ZBTB20: variants seen among roughly 807,000 people sequenced by gnomAD.
ZBTB20 encodes zinc finger and BTB domain containing 20.
A neutral mutation model predicts 56.9 loss-of-function variants in ZBTB20; 9 were observed. The observed-to-expected ratio is 0.16, with a 90% CI of 0.10 to 0.28. ZBTB20 has a LOEUF of 0.28. Among genes scored for constraint, ZBTB20 ranks in the 10% least tolerant of loss-of-function variants. ZBTB20 has a pLI of 1.00. For synonymous variants in ZBTB20, 417 were observed against 420.7 expected (o/e 0.99, Z 0.11); for missense variants, 655 against 1,003.0 (o/e 0.65, Z 4.69).
intron 2 of ZBTB20, among the ~76,000 whole-genome samples, chr3:115,066,052 T>A (rs531376857): frequency 6.6e-6 from 1 of 152,202 alleles, no homozygotes; most frequent in African/African-American, 2.4e-5. Flanking sequence ...TAATCAATAC[T>A]CTCCCATGAA....
chr3:115,127,133 A>G (rs751468770), intron 1 of ZBTB20, among the ~76,000 whole-genome samples: 1 of 152,218 alleles, frequency 6.6e-6, no homozygotes, highest in African/African-American at 2.4e-5. Flanking sequence ...CCAGTCCAAA[A>G]AAATCTATGT....
At chr3:114,613,579 AG>A (rs1388243112) in intron 6 of ZBTB20, among the ~76,000 whole-genome samples, 1 of 152,192 alleles carries the variant, frequency 6.6e-6, no homozygotes, top group Non-Finnish European at 1.5e-5. Context: ...GGCCCACCAA[AG>A]AAGTGATCAT....
At chr3:114,590,611 T>C (rs1008073239) in intron 6 of ZBTB20, among the ~76,000 whole-genome samples, 4 of 152,062 alleles carry the variant, frequency 2.6e-5, no homozygotes, top group Admixed American at 2.6e-4. Context: ...TGAGTTATTA[T>C]AGGAAATGAT....
At chr3:115,050,961 C>G (rs1303922160) in intron 2 of ZBTB20, among the ~76,000 whole-genome samples, 1 of 152,028 alleles carries the variant, frequency 6.6e-6, no homozygotes, top group Non-Finnish European at 1.5e-5. Flanking sequence ...AAATAATGAT[C>G]TATCATTTTT....
At chr3:114,607,136 GC>G (rs2057227722) in intron 6 of ZBTB20, among the ~76,000 whole-genome samples, 1 of 151,752 alleles carries the variant, frequency 6.6e-6, no homozygotes, top group Non-Finnish European at 1.5e-5. Flanking sequence ...AAATTCTTTT[GC>G]CCCAACATTT....
At chr3:114,666,079 G>T (rs1009988923) in intron 6 of ZBTB20, among the ~76,000 whole-genome samples, 2 of 151,880 alleles carry the variant, frequency 1.3e-5, no homozygotes, top group Admixed American at 1.3e-4. Context: ...TTCGCTGGGG[G>T]TTATCTATCA....
chr3:114,651,907 G>A (rs532541958), intron 6 of ZBTB20, among the ~76,000 whole-genome samples: 10 of 152,120 alleles, frequency 6.6e-5, no homozygotes, highest in Admixed American at 3.3e-4. Context: ...ATAGGCAGAA[G>A]AGAAAAGTTT....
At chr3:114,886,716 G>A (rs2076615054) in intron 4 of ZBTB20, among the ~76,000 whole-genome samples, 1 of 152,118 alleles carries the variant, frequency 6.6e-6, no homozygotes, top group African/African-American at 2.4e-5. Flanking sequence ...TCTATAATGA[G>A]AAGTTTCAGT....
intron 7 of ZBTB20, among the ~76,000 whole-genome samples, chr3:114,486,133 TGTGTGGGGGG>T (rs2042102300): frequency 9.2e-5 from 1 of 10,926 alleles, no homozygotes; most frequent in Non-Finnish European, 2.2e-4. Flanking sequence ...TGTGTGTGTG[TGTGTGGGGGG>T]GGGGGGCGGT....
chr3:114,903,646 C>T (rs1002103276), intron 3 of ZBTB20, among the ~76,000 whole-genome samples: 1 of 152,062 alleles, frequency 6.6e-6, no homozygotes, highest in African/African-American at 2.4e-5. Flanking sequence ...ATAATACGTG[C>T]AGCAACACTG....
At chr3:115,049,671 T>C (rs2081468431) in intron 2 of ZBTB20, among the ~76,000 whole-genome samples, 2 of 152,120 alleles carry the variant, frequency 1.3e-5, no homozygotes. Flanking sequence ...ATTTTCAGAT[T>C]ATGGATGTTC....
intron 7 of ZBTB20, among the ~76,000 whole-genome samples, chr3:114,494,701 C>A (rs1165565427): frequency 6.6e-6 from 1 of 152,164 alleles, no homozygotes; most frequent in Admixed American, 6.5e-5. Flanking sequence ...TGCTCATATG[C>A]AGATCCACAT....
intron 6 of ZBTB20, among the ~76,000 whole-genome samples, chr3:114,604,897 G>A (rs2057027407): frequency 6.6e-6 from 1 of 152,124 alleles, no homozygotes; most frequent in South Asian, 2.1e-4. Context: ...CATGTGTTGA[G>A]TGGAGAAGAC....
intron 10 of ZBTB20, chr3:114,367,063 T>C (rs916433502): frequency 9.2e-5 from 14 of 152,254 alleles, no homozygotes; most frequent in Admixed American, 3.3e-4. Flanking sequence ...CTCTCTGATA[T>C]GGTAGCACAG....
intron 1 of ZBTB20, among the ~76,000 whole-genome samples, chr3:115,130,593 G>T (rs774041235): frequency 5.9e-5 from 9 of 152,144 alleles, no homozygotes; most frequent in Non-Finnish European, 8.8e-5. Flanking sequence ...AAGAACATCT[G>T]AAGATTTAAG....
intron 5 of ZBTB20, among the ~76,000 whole-genome samples, chr3:114,789,531 C>T (rs2070787873): frequency 2.0e-5 from 3 of 152,020 alleles, no homozygotes; most frequent in Non-Finnish European, 2.9e-5. Flanking sequence ...ACCTCTGAGA[C>T]AAAATGATCC....
In ZBTB20 at chr3:114,943,910, C is replaced by CAA. The variant is rs367766907; in HGVS notation, c.-456+30454_-456+30455dup. ...AGGATAAACACAAAGAAACCAACTA[C>CAA]AAAAAAAAAAAAAAAGCCTGTTTGT... On this transcript the variant is annotated intron_variant, in intron 3 of 11. Coordinates refer to ENST00000675478, the MANE Select transcript of ZBTB20 (RefSeq NM_001348800.3). 7.5e-3 allele frequency among the ~76,000 whole-genome samples: 441 copies of CAA among 59,082 alleles called. 30 individuals carry two copies. The highest frequency in any genetic ancestry group is 0.024 in the African/African-American group (330 of 13,920). 38.8% of individuals were successfully genotyped at this position (59,082 alleles called of 152,430 possible). A position where few individuals can be genotyped will look rare whatever the true frequency, so the allele number is the denominator to read the frequency against.
chr3:114,369,819 G>A (rs1272705937), intron 10 of ZBTB20, among the ~76,000 whole-genome samples: 1 of 152,122 alleles, frequency 6.6e-6, no homozygotes, highest in Non-Finnish European at 1.5e-5. Context: ...GGCTTTTAAA[G>A]AATTATGCTT....
intron 5 of ZBTB20, among the ~76,000 whole-genome samples, chr3:114,753,270 CCTGTAT>C (rs2067705712): frequency 8.8e-6 from 1 of 113,628 alleles, no homozygotes; most frequent in African/African-American, 3.4e-5. Flanking sequence ...TATATGTATA[CCTGTAT>C]ATATAATGTA....
Sources: gnomAD v4.1 joint callset for allele counts (sites outside exome capture counted in the v4.1 genomes callset) on GRCh38, gnomAD v4.1.1 for gene constraint, MANE v1.5 for transcripts, NCBI Gene and HGNC (gene_info 2026-07-23, HGNC 2026-07-21) for gene names.